CDH22: variants seen among roughly 807,000 people sequenced by gnomAD.
The protein encoded by CDH22 is cadherin-22.
A neutral mutation model predicts 58.4 loss-of-function variants in CDH22; 30 were observed. The ratio of observed to expected loss-of-function variants is 0.51; its 90% confidence interval spans 0.38 to 0.70. The LOEUF is 0.70. CDH22 is among the 30% of genes least tolerant of loss of function. CDH22 has a pLI of 0.00. For missense variants in CDH22, 1,014 were observed against 1,233.9 expected (o/e 0.82, Z 2.67); for synonymous variants, 513 against 558.2 (o/e 0.92, Z 1.14).
intron 10 of CDH22, 143 bp from the exon 11 acceptor site, chr20:46,178,340 G>C: frequency 1.1e-6 from 1 of 872,242 alleles, no homozygotes; most frequent in Non-Finnish European, 1.7e-6. Context: ...TCTCTTCTCT[G>C]ATCTCCCAAA....
intron 3 of CDH22, among the ~76,000 whole-genome samples, chr20:46,238,460 C>G: frequency 6.6e-6 from 1 of 152,164 alleles, no homozygotes; most frequent in Non-Finnish European, 1.5e-5. Flanking sequence ...TCTCTCCAGC[C>G]CAGACCTCCT....
chr20:46,277,941 A>G (rs2086528465), intron 1 of CDH22, among the ~76,000 whole-genome samples: 2 of 151,612 alleles, frequency 1.3e-5, no homozygotes, highest in Admixed American at 1.3e-4. Flanking sequence ...TAAAGGAGAG[A>G]GTTGGGTGTG....
intron 2 of CDH22, among the ~76,000 whole-genome samples, chr20:46,244,692 T>C (rs2086315829): frequency 6.6e-6 from 1 of 152,164 alleles, no homozygotes; most frequent in Non-Finnish European, 1.5e-5. Context: ...CTAGTCTGCT[T>C]ACAATGCCTA....
chr20:46,183,511 C>T (rs975564811), intron 10 of CDH22, among the ~76,000 whole-genome samples: 1 of 152,178 alleles, frequency 6.6e-6, no homozygotes, highest in Non-Finnish European at 1.5e-5. Context: ...TCAATGGAGC[C>T]TCAAACTCCT....
intron 10 of CDH22, among the ~76,000 whole-genome samples, chr20:46,184,629 G>C (rs915923348): frequency 3.3e-5 from 5 of 152,110 alleles, no homozygotes; most frequent in Admixed American, 3.3e-4. Context: ...TGCATTTCCA[G>C]GACCCGGAGC....
In CDH22 at chr20:46,251,511, C is replaced by T. The variant is rs980783157; in HGVS notation, c.-217G>A. ...GAGGGGGAGGGGGCGCGGCCGCATC[C>T]GGGGCATGGACAGCCCCCGGGGTGC... is the stretch of plus-strand genomic sequence containing the variant. On this transcript the variant is annotated 5_prime_UTR_variant, in exon 2 of 12. Coordinates refer to ENST00000537909, the MANE Select transcript of CDH22 (RefSeq NM_021248.3). The surrounding 1 kb of genome is among the most constrained non-coding windows in gnomAD (Gnocchi z 6.7). 4.9e-6 allele frequency: 2 copies of T among 409,832 alleles called. No homozygotes were observed. The highest frequency in any genetic ancestry group is 8.1e-6 in the Non-Finnish European group (2 of 247,504). 25.4% of individuals were successfully genotyped at this position (409,832 alleles called of 1,614,324 possible). A position where few individuals can be genotyped will look rare whatever the true frequency, so the allele number is the denominator to read the frequency against.
At position 46,174,470 on chromosome 20, in the gene CDH22, G is replaced by T. The variant is rs1291649546; in HGVS notation, c.*36C>A. ...CCTGGGGCCCCGGCGTGTGCTGGGC[G>T]GGTGAGCAGCCGCGCCCCGACGGCA... On this transcript the variant is annotated 3_prime_UTR_variant, in exon 12 of 12. Coordinates refer to ENST00000537909, the MANE Select transcript of CDH22 (RefSeq NM_021248.3). This position sits in a 1 kb window ranked among gnomAD's most constrained non-coding sequence, Gnocchi z 4.4. The T allele has an allele frequency of 2.9e-6, 4 of 1,374,202 alleles. No homozygotes were observed. Among genetic ancestry groups the T allele is most frequent in the Non-Finnish European group, 3.8e-6 (4 of 1,051,854 alleles). The allele number at this position is 1,374,202 out of a possible 1,614,324, so 85.1% of individuals were successfully genotyped here.
At chr20:46,257,383 A>G (rs73122315) in intron 1 of CDH22, among the ~76,000 whole-genome samples, 2,037 of 152,204 alleles carry the variant, frequency 0.013, 20 homozygotes, top group Non-Finnish European at 0.019. Context: ...CAATATTTCA[A>G]TAATTCGGCA....
At chr20:46,183,988 T>C (rs1396629473) in intron 10 of CDH22, among the ~76,000 whole-genome samples, 1 of 152,068 alleles carries the variant, frequency 6.6e-6, no homozygotes, top group African/African-American at 2.4e-5. Flanking sequence ...ACTGGGGTGG[T>C]CGTTTTCTCT....
intron 1 of CDH22, among the ~76,000 whole-genome samples, chr20:46,259,833 T>A (rs113768443): frequency 1.2e-4 from 19 of 152,034 alleles, no homozygotes; most frequent in African/African-American, 4.6e-4. Context: ...AAAAGAGTGA[T>A]GGTTGGCACC....
At chr20:46,280,841 G>C (rs2425852) in intron 1 of CDH22, among the ~76,000 whole-genome samples, 146,690 of 152,360 alleles carry the variant, frequency 0.96, 70,649 homozygotes, top group East Asian at 1. Flanking sequence ...CCTCTTCCAA[G>C]AGCTTCTCCA....
At chr20:46,232,758 C>A (rs1488164505) in intron 3 of CDH22, among the ~76,000 whole-genome samples, 2 of 152,190 alleles carry the variant, frequency 1.3e-5, no homozygotes, top group Non-Finnish European at 2.9e-5. Context: ...ACATCCACCC[C>A]TGCTGCCCTC....
intron 4 of CDH22, among the ~76,000 whole-genome samples, chr20:46,217,614 A>AC (rs141859991): frequency 0.011 from 1,727 of 152,290 alleles, 26 homozygotes; most frequent in Admixed American, 0.028. Context: ...TCACCCACAC[A>AC]CATACCTGCC....
intron 1 of CDH22, among the ~76,000 whole-genome samples, chr20:46,278,060 CAAG>C (rs1474740258): frequency 6.6e-6 from 1 of 151,646 alleles, no homozygotes; most frequent in African/African-American, 2.4e-5. Context: ...TGACAGGTGA[CAAG>C]GAGGAGGAGG....
At chr20:46,262,054 C>T (rs2086435484) in intron 1 of CDH22, among the ~76,000 whole-genome samples, 1 of 152,150 alleles carries the variant, frequency 6.6e-6, no homozygotes, top group African/African-American at 2.4e-5. Flanking sequence ...AGGACAGCTC[C>T]CTACACATAC....
intron 2 of CDH22, among the ~76,000 whole-genome samples, chr20:46,248,435 CA>C (rs1353854831): frequency 6.6e-6 from 1 of 152,264 alleles, no homozygotes; most frequent in Middle Eastern, 3.4e-3. Flanking sequence ...TTTCCTGGAC[CA>C]AAGGTCTTTT....
At chr20:46,275,390 C>T (rs1002557747) in intron 1 of CDH22, among the ~76,000 whole-genome samples, 8 of 152,200 alleles carry the variant, frequency 5.3e-5, no homozygotes, top group Non-Finnish European at 1.0e-4. Context: ...AAAAGCAACC[C>T]GACCACTCCA....
chr20:46,272,284 G>A (rs1357816306), intron 1 of CDH22, among the ~76,000 whole-genome samples: 1 of 152,172 alleles, frequency 6.6e-6, no homozygotes, highest in African/African-American at 2.4e-5. Flanking sequence ...GGAAGAGTTG[G>A]GGAGGCAGCA....
intron 1 of CDH22, among the ~76,000 whole-genome samples, chr20:46,306,146 C>A (rs1462957441): frequency 6.6e-6 from 1 of 152,266 alleles, no homozygotes; most frequent in East Asian, 1.9e-4. Context: ...CTAACTTGAA[C>A]ACCTCATGCT....
Sources: gnomAD v4.1 joint callset for allele counts (sites outside exome capture counted in the v4.1 genomes callset) on GRCh38, gnomAD v4.1.1 for gene constraint, Gnocchi (gnomAD v3.1) non-coding constraint, MANE v1.5 for transcripts, NCBI Gene and HGNC (gene_info 2026-07-23, HGNC 2026-07-21) for gene names.